Variants in TBC1D9 observed in about 807,000 individuals in gnomAD.
The protein encoded by TBC1D9 is TBC1 domain family member 9A.
TBC1D9 carries 63 observed loss-of-function variants against 132.0 expected under a neutral mutation model. The ratio of observed to expected loss-of-function variants is 0.48; its 90% CI spans 0.39 to 0.59. TBC1D9 has a LOEUF of 0.59. TBC1D9 is among the 20% of genes least tolerant of loss of function. The pLI is 0.00. For synonymous variants in TBC1D9, 610 were observed against 609.9 expected (o/e 1.00, Z 0.00); for missense variants, 1,261 against 1,592.7 (o/e 0.79, Z 3.54).
intron 13 of TBC1D9, 103 bp downstream of exon 13, chr4:140,656,994 C>T (rs1237656932): frequency 6.5e-6 from 9 of 1,375,558 alleles, no homozygotes; most frequent in Non-Finnish European, 8.9e-6. Flanking sequence ...AATATCTGTT[C>T]TTTGCCCAGT....
chr4:140,653,512 G>T (rs1036621107), intron 13 of TBC1D9, among the ~76,000 whole-genome samples: 1 of 152,028 alleles, frequency 6.6e-6, no homozygotes, highest in Non-Finnish European at 1.5e-5. Context: ...CCTACATTCA[G>T]ATTTAATTGG....
At chr4:140,648,311 G>A in intron 13 of TBC1D9, among the ~76,000 whole-genome samples, 1 of 150,392 alleles carries the variant, frequency 6.6e-6, no homozygotes, top group Non-Finnish European at 1.5e-5. Flanking sequence ...TTATCTGAAT[G>A]TTTCTGTGGC....
intron 2 of TBC1D9, among the ~76,000 whole-genome samples, chr4:140,687,349 T>C (rs1313119662): frequency 8.6e-5 from 2 of 23,192 alleles, no homozygotes; most frequent in African/African-American, 8.7e-4. Context: ...GTGTCATATA[T>C]ATATATATAT....
chr4:140,752,344 C>T (rs1287931327), intron 1 of TBC1D9, among the ~76,000 whole-genome samples: 2 of 146,648 alleles, frequency 1.4e-5, no homozygotes, highest in African/African-American at 2.5e-5. Flanking sequence ...TCTATAATTC[C>T]ATTTCATTTC....
Position 140,622,697 on chromosome 4 carries a change from C to T in TBC1D9, c.3299G>A (p.Gly1100Glu), listed in dbSNP as rs1449190831. 6.2e-7 allele frequency: 1 copy of T among 1,611,680 alleles called. No homozygotes were observed. The highest frequency in any genetic ancestry group is 8.5e-7 in the Non-Finnish European group (1 of 1,179,320). ...GIPGVLFPKKGPGQPYVVESV... is the reference protein window; with the variant it reads ...GIPGVLFPKKEPGQPYVVESV... ...CTCCACCACGTAAGGCTGGCCTGGCCCTTTCTTGGGGAAGAGCACGCCTGG... is the reference window on the plus strand; with the variant it reads ...CTCCACCACGTAAGGCTGGCCTGGCTCTTTCTTGGGGAAGAGCACGCCTGG... Residue 1100 changes from glycine (G) to glutamate (E), a missense_variant, in exon 21 of 21, where the codon GGG (glycine) becomes GAG (glutamate). Gly to Glu is a moderately conservative substitution (Grantham distance 98, BLOSUM62 -2). Around this residue, in one of 3 missense-constraint regions of TBC1D9, gnomAD observed 618 missense variants for 724.4 expected, o/e 0.85. Coordinates refer to ENST00000442267, the MANE Select transcript of TBC1D9 (RefSeq NM_015130.3).
Position 140,657,245 on chromosome 4 carries a change from A to G in TBC1D9, c.2208-19T>C. ...TAAATACCTGGAAGAAGAATGCATC[A>G]GAAGTCACAGGAGAAGAAACTGGAA... On this transcript the variant is annotated intron_variant, in intron 12 of 20. Coordinates refer to ENST00000442267, the MANE Select transcript of TBC1D9 (RefSeq NM_015130.3). The G allele has an allele frequency of 6.2e-7, 1 of 1,610,664 alleles. No homozygotes were observed. The highest frequency in any genetic ancestry group is 8.5e-7 in the Non-Finnish European group (1 of 1,178,624).
At chr4:140,639,059 T>A (rs1235674355) in intron 15 of TBC1D9, 27 bp downstream of exon 15, 6 of 1,531,252 alleles carry the variant, frequency 3.9e-6, no homozygotes, top group Non-Finnish European at 3.6e-6. Flanking sequence ...CTCCTTTGAA[T>A]GGGCATGAAT....
At chr4:140,633,209 A>G (rs1372423260) in intron 16 of TBC1D9, among the ~76,000 whole-genome samples, 1 of 152,210 alleles carries the variant, frequency 6.6e-6, no homozygotes, top group Non-Finnish European at 1.5e-5. Context: ...GAGTAGCACA[A>G]TTAGAATTTT....
At chr4:140,730,870 G>A (rs1738579565) in intron 1 of TBC1D9, among the ~76,000 whole-genome samples, 2 of 152,220 alleles carry the variant, frequency 1.3e-5, no homozygotes, top group South Asian at 4.1e-4. Flanking sequence ...CTAAAATGGA[G>A]AATCCTGCAG....
intron 7 of TBC1D9, among the ~76,000 whole-genome samples, chr4:140,670,008 A>G (rs181392924): frequency 7.2e-5 from 11 of 152,340 alleles, no homozygotes; most frequent in African/African-American, 1.9e-4. Flanking sequence ...CAGCACTTCA[A>G]TGCTCACAAT....
intron 3 of TBC1D9, among the ~76,000 whole-genome samples, chr4:140,681,628 C>G (rs1737703915): frequency 6.6e-6 from 1 of 152,134 alleles, no homozygotes. Context: ...CCAGGAATTA[C>G]TATATAATAG....
Position 140,727,789 on chromosome 4 carries a change from C to T in TBC1D9, c.131-26175G>A, listed in dbSNP as rs190346714. Among the ~76,000 whole-genome samples the T allele has an allele frequency of 4.4e-3, 664 of 151,132 alleles. 2 individuals carry two copies. The highest frequency in any genetic ancestry group is 0.014 in the African/African-American group (580 of 41,082). ...AATAAATGAATGAATGAATGAGTGACGAATTAGCCAGGAAGTTAAAAAAAA... is the reference window on the plus strand; with the variant it reads ...AATAAATGAATGAATGAATGAGTGATGAATTAGCCAGGAAGTTAAAAAAAA... On this transcript the variant is annotated intron_variant, in intron 1 of 20. Transcript: ENST00000442267.
At chr4:140,625,987 CCTT>C (rs1424165442) in intron 18 of TBC1D9, among the ~76,000 whole-genome samples, 2 of 152,138 alleles carry the variant, frequency 1.3e-5, no homozygotes, top group African/African-American at 2.4e-5. Flanking sequence ...CACTGGAAAA[CCTT>C]CTTCAAAAAG....
intron 18 of TBC1D9, among the ~76,000 whole-genome samples, chr4:140,624,863 T>G (rs1318165841): frequency 6.6e-6 from 1 of 152,082 alleles, no homozygotes; most frequent in Non-Finnish European, 1.5e-5. Flanking sequence ...ACCATCCTGG[T>G]CAACATGGTG....
chr4:140,717,069 G>T (rs941292420), intron 1 of TBC1D9, among the ~76,000 whole-genome samples: 4 of 152,166 alleles, frequency 2.6e-5, no homozygotes, highest in African/African-American at 9.7e-5. Flanking sequence ...TTAAAAGACA[G>T]TCACCTGCAA....
At chr4:140,680,768 T>C (rs17006331) in intron 3 of TBC1D9, among the ~76,000 whole-genome samples, 4,482 of 152,212 alleles carry the variant, frequency 0.029, 234 homozygotes, top group African/African-American at 0.1. Flanking sequence ...AGCCCAAGGA[T>C]AGAAAATTGC....
chr4:140,737,075 C>T (rs1738685193), intron 1 of TBC1D9, among the ~76,000 whole-genome samples: 1 of 152,154 alleles, frequency 6.6e-6, no homozygotes, highest in African/African-American at 2.4e-5. Flanking sequence ...GAATTAGATT[C>T]TCGTAAGGAG....
intron 10 of TBC1D9, among the ~76,000 whole-genome samples, chr4:140,660,971 G>A (rs1737349302): frequency 1.3e-5 from 2 of 151,890 alleles, no homozygotes; most frequent in Non-Finnish European, 2.9e-5. Flanking sequence ...CTGGAGTGCA[G>A]TGGTATGATC....
chr4:140,709,660 C>T (rs1578850717), intron 1 of TBC1D9, among the ~76,000 whole-genome samples: 1 of 151,978 alleles, frequency 6.6e-6, no homozygotes. Flanking sequence ...GTCAGCAGTC[C>T]CCAACCTTTT....
Sources: gnomAD v4.1 joint callset for allele counts (sites outside exome capture counted in the v4.1 genomes callset) on GRCh38, gnomAD v4.1.1 for gene constraint, gnomAD v4.1.1 regional missense constraint, MANE v1.5 for transcripts, NCBI Gene and HGNC (gene_info 2026-07-23, HGNC 2026-07-21) for gene names.